The following TGFBR1 variants were observed in gnomAD, a reference collection of about 807,000 sequenced individuals.
The protein encoded by TGFBR1 is transforming growth factor beta receptor 1.
TGFBR1 carries 20 observed loss-of-function variants against 55.1 expected under a neutral mutation model. The observed-to-expected ratio is 0.36, with a 90% CI of 0.26 to 0.53. The LOEUF (loss-of-function observed/expected upper bound fraction) is 0.53. TGFBR1 is among the 20% of genes least tolerant of loss of function. The pLI is 0.91. For synonymous variants in TGFBR1, 220 were observed against 214.8 expected (o/e 1.02, Z -0.21); for missense variants, 385 against 617.6 (o/e 0.62, Z 3.99).
intron 1 of TGFBR1, among the ~76,000 whole-genome samples, chr9:99,128,378 G>A (rs943832003): frequency 2.0e-5 from 3 of 150,360 alleles, no homozygotes; most frequent in Non-Finnish European, 4.4e-5. Context: ...TATCCAGAAA[G>A]CCACTGAAAT....
intron 7 of TGFBR1, 151 bp from the exon 8 acceptor site, chr9:99,147,503 G>C (rs899101128): frequency 2.8e-6 from 2 of 718,588 alleles, no homozygotes; most frequent in Admixed American, 2.4e-5. Context: ...TGTGGATACA[G>C]ATGTGGATGA....
Position 99,147,685 on chromosome 9 carries a change from T to C in TGFBR1, c.1287T>C (p.Tyr429=), listed in dbSNP as rs1324785971. Residue 429 remains tyrosine, a synonymous_variant, in exon 8 of 9, where the codon TAT becomes TAC. Coordinates refer to ENST00000374994, the MANE Select transcript of TGFBR1 (RefSeq NM_004612.4). ...ATGAAGATTACCAACTGCCTTATTATGATCTTGTACCTTCTGACCCATCAG... is the reference window on the plus strand; with the variant it reads ...ATGAAGATTACCAACTGCCTTATTACGATCTTGTACCTTCTGACCCATCAG... ...GIHEDYQLPY[Y]DLVPSDPSVE... 4.3e-6 allele frequency: 7 copies of C among 1,613,720 alleles called. No individual in the cohort carries two copies. Among genetic ancestry groups the C allele is most frequent in the Admixed American group, 1.7e-5 (1 of 60,002 alleles).
chr9:99,149,116 A>C lies in TGFBR1; in HGVS notation c.1387-64A>C. ...TTAAAAAGAAAATTTACACGTAAAA[A>C]TTCTTATCCAGACCAATGGAAAATG... On this transcript the variant is annotated intron_variant, in intron 8 of 8. Transcript: ENST00000374994. The C allele has an allele frequency of 3.9e-6, 6 of 1,523,790 alleles. No individual in the cohort carries two copies. The South Asian group carries it at 4.9e-5, about 12-fold the overall frequency. 94.4% of individuals were successfully genotyped at this position (1,523,790 alleles called of 1,614,324 possible).
intron 1 of TGFBR1, among the ~76,000 whole-genome samples, chr9:99,124,741 G>GAA (rs1382015289): frequency 1.3e-5 from 2 of 152,012 alleles, no homozygotes; most frequent in African/African-American, 2.4e-5. Flanking sequence ...CCTGAAGAGA[G>GAA]AAATCTTTAC....
intron 6 of TGFBR1, 114 bp downstream of exon 6, chr9:99,145,002 G>T: frequency 8.3e-7 from 1 of 1,211,536 alleles, no homozygotes; most frequent in Non-Finnish European, 1.2e-6. Context: ...TTATTAGATT[G>T]CCAACAGGTA....
Position 99,151,077 on chromosome 9 carries a change from A to C in TGFBR1, c.*1772A>C, listed in dbSNP as rs201191009. Reference sequence around the variant, plus strand: ...TGGCCATTTACACTGAATGAGTTGCATTCTGATAATGTCTTATCTCTTATA... The same window carrying C: ...TGGCCATTTACACTGAATGAGTTGCCTTCTGATAATGTCTTATCTCTTATA... On this transcript the variant is annotated 3_prime_UTR_variant, in exon 9 of 9. Coordinates refer to ENST00000374994, the MANE Select transcript of TGFBR1 (RefSeq NM_004612.4). 2.8e-4 allele frequency: 65 copies of C among 228,456 alleles called. No homozygotes were observed. The highest frequency in any genetic ancestry group is 4.9e-4 in the Non-Finnish European group (56 of 114,884). The allele number at this position is 228,456 out of a possible 1,614,324, so 14.2% of individuals were successfully genotyped here. A position where few individuals can be genotyped will look rare whatever the true frequency, so the allele number is the denominator to read the frequency against.
chr9:99,123,087 A>C (rs939188226), intron 1 of TGFBR1, among the ~76,000 whole-genome samples: 13 of 152,122 alleles, frequency 8.5e-5, no homozygotes, highest in African/African-American at 3.1e-4. Context: ...TGTATATGCA[A>C]ATATTCCAAA....
chr9:99,134,922 C>G (rs1827387668), intron 3 of TGFBR1, among the ~76,000 whole-genome samples: 1 of 144,490 alleles, frequency 6.9e-6, no homozygotes, highest in South Asian at 2.2e-4. Context: ...GATGCCTTAC[C>G]CTGCAAAAAC....
chr9:99,105,118 C>G lies in TGFBR1; in HGVS notation c.-88C>G, dbSNP rs1207987444. On this transcript the variant is annotated 5_prime_UTR_variant, in exon 1 of 9. Transcript: ENST00000374994. ...GGCCGGAGCGAGGCCGCCGCGGCGG[C>G]TAGGGAGGTGGGGCGAGGCGAGGTT... The G allele has an allele frequency of 1.1e-4, 110 of 999,380 alleles. 1 individual carries two copies. The highest frequency in any genetic ancestry group is 2.8e-4 in the South Asian group (6 of 21,680). 61.9% of individuals were successfully genotyped at this position (999,380 alleles called of 1,614,324 possible).
intron 1 of TGFBR1, among the ~76,000 whole-genome samples, chr9:99,111,095 T>A (rs1379599213): frequency 6.6e-6 from 1 of 152,170 alleles, no homozygotes; most frequent in African/African-American, 2.4e-5. Flanking sequence ...TCTTTAACAT[T>A]ATATTTTTAG....
chr9:99,107,199 G>C (rs1826438292), intron 1 of TGFBR1, among the ~76,000 whole-genome samples: 1 of 152,176 alleles, frequency 6.6e-6, no homozygotes, highest in African/African-American at 2.4e-5. Context: ...GACTGCCTCA[G>C]CTTGTCTGCC....
chr9:99,132,600 C>T lies in TGFBR1; in HGVS notation c.435C>T (p.Val145=). The change falls in exon 3 of 9, where the codon GTC becomes GTT. Residue 145 remains valine (V), a synonymous_variant. Coordinates refer to ENST00000374994, the MANE Select transcript of TGFBR1 (RefSeq NM_004612.4). ...CFVCISLMLM[V]YICHNRTVIH... ...TCTGCATCTCACTCATGTTGATGGT[C>T]TATATCTGCCACAACCGCACTGTCA... is the stretch of plus-strand genomic sequence containing the variant. 1 of 1,614,098 alleles carries T rather than the reference C, an allele frequency of 6.2e-7. No homozygotes were observed. The highest frequency in any genetic ancestry group is 8.5e-7 in the Non-Finnish European group (1 of 1,180,024).
Position 99,137,853 on chromosome 9 carries a change from C to T in TGFBR1, c.575-6C>T, listed in dbSNP as rs768187352. ...TGTGTTGAGTACTATTTATTTTTAC[C>T]TTTAGGTTTACCATTGCTTGTTCAG... On this transcript the variant is annotated splice_region_variant and splice_polypyrimidine_tract_variant and intron_variant, in intron 3 of 8. Transcript: ENST00000374994. 6 of 1,611,064 alleles carry T rather than the reference C, an allele frequency of 3.7e-6. No individual in the cohort carries two copies. The South Asian group carries it at 5.5e-5, about 15-fold the overall frequency.
chr9:99,121,750 G>A (rs111783708), intron 1 of TGFBR1, among the ~76,000 whole-genome samples: 5 of 152,230 alleles, frequency 3.3e-5, no homozygotes, highest in Admixed American at 3.3e-4. Flanking sequence ...CTCTCACTGC[G>A]AAGAAAAGTA....
chr9:99,105,470 C>T (rs961791162), intron 1 of TGFBR1, among the ~76,000 whole-genome samples, 168 bp downstream of exon 1: 1 of 148,954 alleles, frequency 6.7e-6, no homozygotes, highest in Non-Finnish European at 1.5e-5. Flanking sequence ...GGCTGCCGGG[C>T]GAACCGCAAG....
chr9:99,126,632 T>C (rs1258575866), intron 1 of TGFBR1, among the ~76,000 whole-genome samples: 1 of 152,176 alleles, frequency 6.6e-6, no homozygotes, highest in Non-Finnish European at 1.5e-5. Flanking sequence ...TCCTTGAAAA[T>C]GTAAATACAT....
intron 3 of TGFBR1, among the ~76,000 whole-genome samples, chr9:99,135,927 T>C (rs1183458458): frequency 6.7e-6 from 1 of 149,312 alleles, no homozygotes; most frequent in Non-Finnish European, 1.5e-5. Flanking sequence ...GGATCTCAGC[T>C]CTCTGCAGCC....
chr9:99,128,123 G>A (rs1827093198), intron 1 of TGFBR1: 5 of 398,824 alleles, frequency 1.3e-5, no homozygotes, highest in Admixed American at 6.1e-5. Flanking sequence ...GGTCACTCCT[G>A]GGGTTGAGCC....
chr9:99,117,192 A>T (rs932584606), intron 1 of TGFBR1, among the ~76,000 whole-genome samples: 4 of 151,098 alleles, frequency 2.6e-5, no homozygotes, highest in African/African-American at 9.7e-5. Context: ...GGTTCAAGTG[A>T]TTCTCCTGTC....
Sources: gnomAD v4.1 joint callset for allele counts (sites outside exome capture counted in the v4.1 genomes callset) on GRCh38, gnomAD v4.1.1 for gene constraint, MANE v1.5 for transcripts, NCBI Gene and HGNC (gene_info 2026-07-23, HGNC 2026-07-21) for gene names.